Variants in MACROD2 observed in about 807,000 individuals in gnomAD.
MACROD2 encodes the protein ADP-ribose glycohydrolase MACROD2.
In MACROD2, 36 loss-of-function variants were observed where a neutral mutation model predicts 70.4. The observed-to-expected ratio is 0.51, with a 90% CI of 0.39 to 0.68. The LOEUF (loss-of-function observed/expected upper bound fraction) is 0.68, where lower values mean the gene tolerates loss of function less well. Among genes scored for constraint, MACROD2 ranks in the 30% least tolerant of loss-of-function variants. The pLI, the probability that MACROD2 is intolerant of heterozygous loss-of-function variation, is 0.00. For synonymous variants in MACROD2, 172 were observed against 178.8 expected (o/e 0.96, Z 0.30); for missense variants, 496 against 538.4 (o/e 0.92, Z 0.78).
intron 8 of MACROD2, among the ~76,000 whole-genome samples, chr20:15,672,975 T>A (rs1271892796): frequency 6.6e-6 from 1 of 152,206 alleles, no homozygotes; most frequent in African/African-American, 2.4e-5. Context: ...TCTTTTTGCC[T>A]GTCACCATGT....
chr20:15,458,633 T>TTG (rs1381878762), intron 7 of MACROD2, among the ~76,000 whole-genome samples: 81 of 140,978 alleles, frequency 5.7e-4, no homozygotes, highest in East Asian at 2.7e-3. Context: ...TTTTGTTTTT[T>TTG]TTTTTTAAAA....
chr20:15,961,268 G>A (rs566035597), intron 12 of MACROD2, among the ~76,000 whole-genome samples: 134 of 152,240 alleles, frequency 8.8e-4, no homozygotes, highest in African/African-American at 2.8e-3. Flanking sequence ...CTAGGTGTCA[G>A]GAATAAATTG....
At chr20:15,360,934 A>G (rs1033428248) in intron 6 of MACROD2, among the ~76,000 whole-genome samples, 2 of 150,358 alleles carry the variant, frequency 1.3e-5, no homozygotes, top group African/African-American at 2.5e-5. Flanking sequence ...GAGTTTCAAG[A>G]GTTCTTTTTG....
intron 6 of MACROD2, among the ~76,000 whole-genome samples, chr20:15,264,619 G>A (rs1243876823): frequency 6.6e-6 from 1 of 152,120 alleles, no homozygotes; most frequent in African/African-American, 2.4e-5. Flanking sequence ...TGCAGACAAA[G>A]GATGTCTTAT....
chr20:14,053,672 T>C (rs1290059431), intron 2 of MACROD2: 1 of 152,144 alleles, frequency 6.6e-6, no homozygotes, highest in Non-Finnish European at 1.5e-5. Context: ...TAAATACTAA[T>C]TTTTCAAGAT....
intron 15 of MACROD2, among the ~76,000 whole-genome samples, chr20:16,015,198 A>C (rs750725484): frequency 6.6e-6 from 1 of 152,236 alleles, no homozygotes; most frequent in Non-Finnish European, 1.5e-5. Context: ...TGTTGATTTA[A>C]TTATTAAAAC....
At chr20:14,964,067 C>T (rs2074608677) in intron 5 of MACROD2, among the ~76,000 whole-genome samples, 1 of 151,294 alleles carries the variant, frequency 6.6e-6, no homozygotes, top group African/African-American at 2.4e-5. Flanking sequence ...TTTTTCTTCT[C>T]TGTATAAGGT....
At chr20:14,429,859 A>G (rs1269440668) in intron 3 of MACROD2, among the ~76,000 whole-genome samples, 3 of 152,104 alleles carry the variant, frequency 2.0e-5, no homozygotes, top group Non-Finnish European at 4.4e-5. Context: ...TGGTGGTGTG[A>G]CCTTCATGTT....
At chr20:14,301,057 C>T (rs184554467) in intron 3 of MACROD2, among the ~76,000 whole-genome samples, 74 of 152,290 alleles carry the variant, frequency 4.9e-4, no homozygotes, top group Admixed American at 3.3e-3. Context: ...CGCCACGATC[C>T]TATCAGGTAT....
intron 5 of MACROD2, among the ~76,000 whole-genome samples, chr20:14,687,621 G>A (rs1263815564): frequency 1.3e-5 from 2 of 152,118 alleles, no homozygotes; most frequent in Non-Finnish European, 2.9e-5. Context: ...GTCAATCAAT[G>A]GGACTAGCTA....
intron 3 of MACROD2, among the ~76,000 whole-genome samples, chr20:14,470,594 G>C (rs1269032438): frequency 2.0e-5 from 3 of 152,168 alleles, no homozygotes; most frequent in Non-Finnish European, 4.4e-5. Context: ...GACTGGGGCT[G>C]CTGCTTTTTT....
chr20:14,729,041 G>T (rs1221967330), intron 5 of MACROD2, among the ~76,000 whole-genome samples: 1 of 151,942 alleles, frequency 6.6e-6, no homozygotes, highest in East Asian at 1.9e-4. Flanking sequence ...GTCTCCTTAG[G>T]ATTTTCTAAT....
At chr20:15,042,186 T>C (rs1349208090) in intron 5 of MACROD2, among the ~76,000 whole-genome samples, 1 of 152,194 alleles carries the variant, frequency 6.6e-6, no homozygotes, top group Non-Finnish European at 1.5e-5. Flanking sequence ...TTCTGTAGGT[T>C]ATTTTCATAA....
rs930454393 is a variant in MACROD2, at chr20:14,561,102, T to C, written c.301+67594T>C. Among the ~76,000 whole-genome samples the C allele has an allele frequency of 1.3e-3, 195 of 151,948 alleles. 2 individuals carry two copies. The highest frequency in any genetic ancestry group is 4.6e-4 in the Non-Finnish European group (31 of 67,822). On this transcript the variant is annotated intron_variant, in intron 4 of 17. Coordinates refer to ENST00000684519, the MANE Select transcript of MACROD2 (RefSeq NM_001351661.2). ...TGACACCTAGACTCTGGGAGACTTATGGTGTGGTGGTGTCTAGATAGAGGT... is the reference window on the plus strand; with the variant it reads ...TGACACCTAGACTCTGGGAGACTTACGGTGTGGTGGTGTCTAGATAGAGGT...
intron 5 of MACROD2, among the ~76,000 whole-genome samples, chr20:15,130,903 G>A (rs774532956): frequency 6.6e-5 from 10 of 152,074 alleles, no homozygotes; most frequent in Non-Finnish European, 1.2e-4. Flanking sequence ...TGAAGCCATA[G>A]GCACTGAATT....
At chr20:15,842,470 T>TTTC in intron 8 of MACROD2, among the ~76,000 whole-genome samples, 1 of 149,284 alleles carries the variant, frequency 6.7e-6, no homozygotes, top group Non-Finnish European at 1.5e-5. Context: ...TTTTTCATCT[T>TTTC]TTTTTTTTTT....
At chr20:14,227,166 G>A (rs943736047) in intron 3 of MACROD2, among the ~76,000 whole-genome samples, 2 of 152,130 alleles carry the variant, frequency 1.3e-5, no homozygotes, top group Non-Finnish European at 2.9e-5. Context: ...TTTGTGTCTA[G>A]CTCAGGGATT....
At chr20:14,914,638 C>T (rs6042995) in intron 5 of MACROD2, among the ~76,000 whole-genome samples, 134,756 of 152,252 alleles carry the variant, frequency 0.89, 59,690 homozygotes, top group East Asian at 1. Context: ...AGACTGACTG[C>T]ATGTTTGACA....
intron 17 of MACROD2, 27 bp from the exon 18 acceptor site, chr20:16,049,803 T>C (rs766185423): frequency 2.5e-6 from 4 of 1,612,584 alleles, no homozygotes; most frequent in African/African-American, 1.3e-5. Flanking sequence ...ATCTTTAATC[T>C]AACAAATGGC....
Sources: allele counts gnomAD v4.1 joint callset (sites outside exome capture counted in the v4.1 genomes callset), GRCh38; gene constraint gnomAD v4.1.1; transcripts MANE v1.5; gene names NCBI Gene and HGNC (gene_info 2026-07-23, HGNC 2026-07-21).